The following STX11 variants were observed in gnomAD, a reference collection of about 807,000 sequenced individuals.
STX11 encodes the protein syntaxin 11, also known as syntaxin-11.
A neutral mutation model predicts 19.9 loss-of-function variants in STX11; 21 were observed. That is an observed-to-expected ratio of 1.06 (90% CI 0.75 to 1.52). The LOEUF is 1.52. Ranked by LOEUF, STX11 falls within the 40% of genes most tolerant of loss-of-function variation. The probability of loss-of-function intolerance (pLI) is 0.00; values close to 1 mark genes in which losing one functional copy is unlikely to be tolerated. For missense variants in STX11, 438 were observed against 405.9 expected (o/e 1.08, Z -0.68); for synonymous variants, 193 against 174.4 (o/e 1.11, Z -0.84).
In STX11 at chr6:144,186,657, C is replaced by T; in HGVS notation, c.30C>T (p.Asp10=). The T allele has an allele frequency of 1.2e-6, 2 of 1,614,180 alleles. No individual in the cohort carries two copies. Among genetic ancestry groups the T allele is most frequent in the Non-Finnish European group, 1.7e-6 (2 of 1,180,046 alleles). The change falls in exon 2 of 2, where the codon GAC becomes GAT. Residue 10 remains aspartate, a synonymous_variant. Coordinates refer to ENST00000367568, the MANE Select transcript of STX11 (RefSeq NM_003764.4). The part of the protein sequence containing the change: MKDRLAELL[D]LSKQYDQQFP... ...AAGACCGGCTAGCAGAACTTCTGGA[C>T]TTGTCCAAGCAATATGACCAGCAGT...
At chr6:144,168,629 C>T (rs750844932) in intron 1 of STX11, among the ~76,000 whole-genome samples, 3 of 152,146 alleles carry the variant, frequency 2.0e-5, no homozygotes, top group Non-Finnish European at 2.9e-5. Context: ...CCTTCAAAGT[C>T]ACCACGTTGT....
In STX11 at chr6:144,187,514, G is replaced by A. The variant is rs1802093404; in HGVS notation, c.*23G>A. On this transcript the variant is annotated 3_prime_UTR_variant, in exon 2 of 2. Transcript: ENST00000367568. This position sits in a 1 kb window ranked among gnomAD's most constrained non-coding sequence, Gnocchi z 5.6. ...TAGCAGGCCGGCCCGGGCCGCCACCGCCCATCCCAGACCATGGAGCGCGCT... is the reference window on the plus strand; with the variant it reads ...TAGCAGGCCGGCCCGGGCCGCCACCACCCATCCCAGACCATGGAGCGCGCT... 5 of 1,611,484 alleles carry A rather than the reference G, an allele frequency of 3.1e-6. No individual in the cohort carries two copies. In the South Asian group the frequency reaches 3.3e-5, roughly 11 times the overall value.
At position 144,186,708 on chromosome 6, in the gene STX11, C is replaced by G. The variant is rs1200757252; in HGVS notation, c.81C>G (p.Asp27Glu). The change falls in exon 2 of 2, where the codon GAC becomes GAG. Residue 27 changes from aspartate to glutamate, a missense_variant. Asp to Glu is a conservative substitution (Grantham distance 45). Coordinates refer to ENST00000367568, the MANE Select transcript of STX11 (RefSeq NM_003764.4). ...TCCCAGACGGGGACGATGAGTTTGA[C>G]TCGCCCCACGAGGACATCGTGTTCG... ...QQFPDGDDEF[D>E]SPHEDIVFET... 6.2e-7 allele frequency: 1 copy of G among 1,614,234 alleles called. No homozygotes were observed. Among genetic ancestry groups the G allele is most frequent in the Non-Finnish European group, 8.5e-7 (1 of 1,180,048 alleles).
Position 144,152,283 on chromosome 6 carries a change from G to C in STX11, c.-6+1580G>C, listed in dbSNP as rs1256783883. ...TGGAAAATTCAATATAATGAGATAG[G>C]TGCTAGGGTAAATCTATACCCAGAG... On this transcript the variant is annotated intron_variant, in intron 1 of 1. Coordinates refer to ENST00000367568, the MANE Select transcript of STX11 (RefSeq NM_003764.4). This position sits in a 1 kb window ranked among gnomAD's most constrained non-coding sequence, Gnocchi z 4.9. 6.6e-6 allele frequency among the ~76,000 whole-genome samples: 1 copy of C among 152,138 alleles called. No homozygotes were observed. The highest frequency in any genetic ancestry group is 1.5e-5 in the Non-Finnish European group (1 of 68,018).
At chr6:144,164,289 G>C (rs1170656368) in intron 1 of STX11, among the ~76,000 whole-genome samples, 1 of 152,126 alleles carries the variant, frequency 6.6e-6, no homozygotes, top group Non-Finnish European at 1.5e-5. Context: ...TTTCTATGCT[G>C]TTGTGTATAT....
upstream of STX11, among the ~76,000 whole-genome samples, chr6:144,146,558 C>T (rs1219921576): frequency 1.3e-5 from 2 of 152,136 alleles, no homozygotes; most frequent in South Asian, 2.1e-4. This position sits in a 1 kb window ranked among gnomAD's most constrained non-coding sequence, Gnocchi z 4.4. Flanking sequence ...GTGACTCGCC[C>T]GCCTCGGCCT....
Position 144,190,174 on chromosome 6 carries a change from T to C in STX11, c.*2683T>C, listed in dbSNP as rs561894487. 3.9e-5 allele frequency among the ~76,000 whole-genome samples: 6 copies of C among 152,318 alleles called. No individual in the cohort carries two copies. The highest frequency in any genetic ancestry group is 8.8e-5 in the Non-Finnish European group (6 of 68,016). ...TCTTCTTCCTGCTGTTTGGGAACCA[T>C]CTCAGTGTGGCGTAATGGTTAGGAG... On this transcript the variant is annotated 3_prime_UTR_variant, in exon 2 of 2. Coordinates refer to ENST00000367568, the MANE Select transcript of STX11 (RefSeq NM_003764.4).
the STX11 span, among the ~76,000 whole-genome samples, chr6:144,144,957 T>C: frequency 6.6e-6 from 1 of 152,148 alleles, no homozygotes; most frequent in Non-Finnish European, 1.5e-5. Flanking sequence ...AAATGTAAAA[T>C]GTCTTGGCTG....
rs149872190 is a variant in STX11 at position 144,178,851 on chromosome 6, T to TA, written c.-5-7769dup. ...GATACGATACAAGCTTTTTTTTTTT[T>TA]AAATTAACTTCGGAGCAGCAAGAAA... On this transcript the variant is annotated intron_variant, in intron 1 of 1. Coordinates refer to ENST00000367568, the MANE Select transcript of STX11 (RefSeq NM_003764.4). Among the ~76,000 whole-genome samples the TA allele has an allele frequency of 3.7e-4, 57 of 152,136 alleles. No homozygotes were observed. The East Asian group carries it at 7.9e-3, about 21-fold the overall frequency.
rs1447666190 is a variant in STX11, at chr6:144,160,634, T to G, written c.-6+9931T>G. ...ATTAAGTACTAAGAATACCAAACAT[T>G]TGGCTGATTGCAGGGAGGGAGGGAT... On this transcript the variant is annotated intron_variant, in intron 1 of 1. Transcript: ENST00000367568. The surrounding 1 kb of genome is among the most constrained non-coding windows in gnomAD (Gnocchi z 4.3). Among the ~76,000 whole-genome samples, 1 of 152,098 alleles carries G rather than the reference T, an allele frequency of 6.6e-6. No individual in the cohort carries two copies. Among genetic ancestry groups the G allele is most frequent in the African/African-American group, 2.4e-5 (1 of 41,406 alleles).
the STX11 span, among the ~76,000 whole-genome samples, chr6:144,141,205 T>C: frequency 6.6e-6 from 1 of 152,244 alleles, no homozygotes; most frequent in Non-Finnish European, 1.5e-5. Context: ...CTAGATTATC[T>C]CTAGATCAGA....
Position 144,152,860 on chromosome 6 carries a change from C to T in STX11, c.-6+2157C>T, listed in dbSNP as rs2128746318. 6.6e-6 allele frequency among the ~76,000 whole-genome samples: 1 copy of T among 152,362 alleles called. No individual in the cohort carries two copies. ...TGTTGGCCAGGCTGGTCTCGAACTG[C>T]TGACCTCAGGTGATCTGCTTGCCTT... On this transcript the variant is annotated intron_variant, in intron 1 of 1. Transcript: ENST00000367568. This position sits in a 1 kb window ranked among gnomAD's most constrained non-coding sequence, Gnocchi z 4.9.
Position 144,157,970 on chromosome 6 carries a change from C to CA in STX11, c.-6+7277dup, listed in dbSNP as rs1352754501. 5.8e-3 allele frequency among the ~76,000 whole-genome samples: 682 copies of CA among 118,008 alleles called. 4 individuals are homozygous for CA. Among genetic ancestry groups the CA allele is most frequent in the Middle Eastern group, 0.013 (3 of 226 alleles). 77.4% of individuals were successfully genotyped at this position (118,008 alleles called of 152,430 possible). On this transcript the variant is annotated intron_variant, in intron 1 of 1. Transcript: ENST00000367568. ...CAGAATTACCAAAGATATTTCAGTA[C>CA]AAAAAAAAAACAGGGGAAAAACAAA...
At chr6:144,185,305 TTTTAA>T (rs1332009954) in intron 1 of STX11, among the ~76,000 whole-genome samples, 1 of 152,228 alleles carries the variant, frequency 6.6e-6, no homozygotes, top group Non-Finnish European at 1.5e-5. Context: ...TGAAAGAAGC[TTTTAA>T]TTTGAGACCA....
At chr6:144,141,874 G>T in the STX11 span, among the ~76,000 whole-genome samples, 1 of 151,926 alleles carries the variant, frequency 6.6e-6, no homozygotes, top group African/African-American at 2.4e-5. Context: ...TAGAGATGGG[G>T]TTTTGCCATG....
rs141487068 is a variant in STX11 at position 144,186,855 on chromosome 6, G to C, written c.228G>C (p.Met76Ile). ...AGAACGCCCGCTTCCTCACGTCCAT[G>C]CGGCGCCTCAGCAGCATCAAGCGCG... Reference protein sequence around the residue: ...GKQNARFLTSMRRLSSIKRDT... With the variant: ...GKQNARFLTSIRRLSSIKRDT... The change falls in exon 2 of 2, where the codon ATG becomes ATC. Residue 76 changes from methionine (M) to isoleucine (I), a missense_variant. Met to Ile is a conservative substitution (Grantham distance 10). Coordinates refer to ENST00000367568, the MANE Select transcript of STX11 (RefSeq NM_003764.4). 179 of 1,613,102 alleles carry C rather than the reference G, an allele frequency of 1.1e-4. No homozygotes were observed. Among genetic ancestry groups the C allele is most frequent in the Non-Finnish European group, 7.1e-5 (84 of 1,180,010 alleles).
In STX11 at chr6:144,162,007, A is replaced by G. The variant is rs1471009654; in HGVS notation, c.-6+11304A>G. 1.3e-5 allele frequency among the ~76,000 whole-genome samples: 2 copies of G among 152,176 alleles called. No homozygotes were observed. Among genetic ancestry groups the G allele is most frequent in the East Asian group, 3.8e-4 (2 of 5,200 alleles). ...GTGAAGGAGGAGGGTTTGAAGGTGC[A>G]ACATTCCATGTAAAAATATTCACTG... On this transcript the variant is annotated intron_variant, in intron 1 of 1. Coordinates refer to ENST00000367568, the MANE Select transcript of STX11 (RefSeq NM_003764.4). The surrounding 1 kb of genome is among the most constrained non-coding windows in gnomAD (Gnocchi z 4.6).
upstream of STX11, among the ~76,000 whole-genome samples, chr6:144,146,417 G>A (rs972394834): frequency 1.3e-5 from 2 of 152,130 alleles, no homozygotes; most frequent in Non-Finnish European, 2.9e-5. The surrounding 1 kb of genome is among the most constrained non-coding windows in gnomAD (Gnocchi z 4.4). Context: ...GATCAATTGC[G>A]GAAGATAATT....
At position 144,172,392 on chromosome 6, in the gene STX11, A is replaced by C. The variant is rs750623307; in HGVS notation, c.-5-14231A>C. ...GAGGCTAGTCTGAGCTTTCTCACAT[A>C]ATGGTTTCAGTGTTCCCAGAGCAGA... On this transcript the variant is annotated intron_variant, in intron 1 of 1. Coordinates refer to ENST00000367568, the MANE Select transcript of STX11 (RefSeq NM_003764.4). This position sits in a 1 kb window ranked among gnomAD's most constrained non-coding sequence, Gnocchi z 4.2. Among the ~76,000 whole-genome samples, 2 of 152,014 alleles carry C rather than the reference A, an allele frequency of 1.3e-5. No homozygotes were observed. Among genetic ancestry groups the C allele is most frequent in the Admixed American group, 1.3e-4 (2 of 15,264 alleles).
Sources: gnomAD v4.1 joint callset for allele counts (sites outside exome capture counted in the v4.1 genomes callset) on GRCh38, gnomAD v4.1.1 for gene constraint, Gnocchi (gnomAD v3.1) non-coding constraint, MANE v1.5 for transcripts, NCBI Gene and HGNC (gene_info 2026-07-23, HGNC 2026-07-21) for gene names.